The following ATP2C1 variants were observed in gnomAD, a reference collection of about 807,000 sequenced individuals.
ATP2C1 encodes the protein calcium-transporting ATPase type 2C member 1.
In ATP2C1, 31 loss-of-function variants were observed where a neutral mutation model predicts 120.5. The ratio of observed to expected loss-of-function variants is 0.26; its 90% CI spans 0.19 to 0.35. The LOEUF is 0.35. Among genes scored for constraint, ATP2C1 ranks in the 10% least tolerant of loss-of-function variants. The pLI is 1.00. For missense variants in ATP2C1, 731 were observed against 1,107.5 expected (o/e 0.66, Z 4.83); for synonymous variants, 351 against 358.7 (o/e 0.98, Z 0.24).
At chr3:130,896,563 T>A (rs949893953) in intron 2 of ATP2C1, among the ~76,000 whole-genome samples, 11 of 152,174 alleles carry the variant, frequency 7.2e-5, no homozygotes, top group African/African-American at 2.7e-4. Flanking sequence ...TTAAACTACA[T>A]AGATTGATAC....
intron 20 of ATP2C1, among the ~76,000 whole-genome samples, chr3:130,985,080 A>T (rs1228989479): frequency 2.0e-5 from 3 of 152,238 alleles, no homozygotes; most frequent in Non-Finnish European, 4.4e-5. Context: ...AGATGTATGA[A>T]AAGGACATCT....
At chr3:130,920,065 G>A (rs1380111415) in intron 2 of ATP2C1, among the ~76,000 whole-genome samples, 1 of 151,996 alleles carries the variant, frequency 6.6e-6, no homozygotes, top group Admixed American at 6.6e-5. Context: ...TTGAATTATT[G>A]GAGTTCTTTA....
chr3:130,966,251 G>C (rs1046724804), intron 14 of ATP2C1, among the ~76,000 whole-genome samples: 1 of 152,098 alleles, frequency 6.6e-6, no homozygotes, highest in Non-Finnish European at 1.5e-5. Flanking sequence ...CTGTGTTGGT[G>C]AATGTGCCCT....
chr3:130,962,873 C>G (rs1208008581), intron 12 of ATP2C1: 2 of 151,540 alleles, frequency 1.3e-5, no homozygotes, highest in Admixed American at 1.3e-4. Flanking sequence ...AATGTTGTTG[C>G]TTATGTGCTT....
intron 2 of ATP2C1, among the ~76,000 whole-genome samples, chr3:130,929,277 T>C (rs938063381): frequency 6.6e-5 from 10 of 152,212 alleles, no homozygotes; most frequent in African/African-American, 2.4e-4. Flanking sequence ...AATTTGATTG[T>C]TCCAGAAACT....
At chr3:130,909,070 A>G (rs946549275) in intron 2 of ATP2C1, among the ~76,000 whole-genome samples, 1 of 152,214 alleles carries the variant, frequency 6.6e-6, no homozygotes, top group East Asian at 1.9e-4. Flanking sequence ...AAGCCTGATT[A>G]TGCCACTGTT....
At chr3:130,968,019 TC>T (rs1161796374) in intron 16 of ATP2C1, among the ~76,000 whole-genome samples, 23 of 152,284 alleles carry the variant, frequency 1.5e-4, no homozygotes, top group African/African-American at 5.5e-4. Context: ...AAATAACTAT[TC>T]CTACCTTTAA....
intron 2 of ATP2C1, among the ~76,000 whole-genome samples, chr3:130,902,898 C>T (rs2057931355): frequency 6.6e-6 from 1 of 151,940 alleles, no homozygotes; most frequent in South Asian, 2.1e-4. Flanking sequence ...ATCTCTAATA[C>T]CAATCCCTTA....
chr3:130,855,274 G>A (rs1333625211), intron 1 of ATP2C1, among the ~76,000 whole-genome samples: 2 of 151,984 alleles, frequency 1.3e-5, no homozygotes, highest in African/African-American at 4.8e-5. Context: ...AGCTCAATGC[G>A]GGGAATATGA....
At chr3:130,910,154 G>A (rs1254676230) in intron 2 of ATP2C1, among the ~76,000 whole-genome samples, 1 of 151,984 alleles carries the variant, frequency 6.6e-6, no homozygotes, top group Non-Finnish European at 1.5e-5. Flanking sequence ...CCTTGAAGAG[G>A]TCCTTCACAT....
chr3:130,880,261 T>C (rs1016997009), intron 1 of ATP2C1, among the ~76,000 whole-genome samples: 1 of 152,178 alleles, frequency 6.6e-6, no homozygotes, highest in Admixed American at 6.5e-5. Flanking sequence ...GTAGTTGATG[T>C]AGTAGTTTTG....
intron 6 of ATP2C1, 66 bp downstream of exon 6, chr3:130,937,529 G>A (rs2059723695): frequency 1.5e-6 from 2 of 1,349,878 alleles, no homozygotes; most frequent in Non-Finnish European, 2.1e-6. Flanking sequence ...GGTGTCTTGT[G>A]GTAGAACCTA....
chr3:130,940,734 T>A, intron 7 of ATP2C1, 43 bp downstream of exon 7: 1 of 1,471,132 alleles, frequency 6.8e-7, no homozygotes, highest in South Asian at 1.1e-5. Flanking sequence ...CCTTTAAAAA[T>A]AGAAGTTGAA....
intron 1 of ATP2C1, among the ~76,000 whole-genome samples, chr3:130,881,612 G>A (rs759218246): frequency 9.2e-5 from 14 of 152,164 alleles, no homozygotes; most frequent in South Asian, 2.1e-4. Context: ...TGGCATTTTG[G>A]TAGAGATTGC....
intron 16 of ATP2C1, among the ~76,000 whole-genome samples, chr3:130,967,714 T>C (rs1169720054): frequency 1.3e-5 from 2 of 152,216 alleles, no homozygotes; most frequent in African/African-American, 4.8e-5. Context: ...TGTGAAATAC[T>C]TTATAAATGT....
chr3:130,962,030 C>CT (rs1398104229), intron 12 of ATP2C1, among the ~76,000 whole-genome samples: 1 of 151,988 alleles, frequency 6.6e-6, no homozygotes, highest in African/African-American at 2.4e-5. Context: ...AGCAAGGACT[C>CT]TATCATGTAG....
At chr3:130,908,028 A>G (rs1476330366) in intron 2 of ATP2C1, among the ~76,000 whole-genome samples, 2 of 152,078 alleles carry the variant, frequency 1.3e-5, no homozygotes, top group African/African-American at 4.8e-5. Context: ...CAAATTAAAA[A>G]CAAAATTATA....
At chr3:130,889,638 C>CTTTT (rs1170424148), upstream of ATP2C1, among the ~76,000 whole-genome samples, 259 of 77,626 alleles carry the variant, frequency 3.3e-3, 6 homozygotes, top group African/African-American at 0.01. Context: ...ATTCTTTAAA[C>CTTTT]TTTTTTTTTT....
At chr3:130,930,583 CT>C in intron 3 of ATP2C1, 57 bp downstream of exon 3, 1 of 1,093,836 alleles carries the variant, frequency 9.1e-7, no homozygotes, top group Non-Finnish European at 1.4e-6. Context: ...CACTTAGACT[CT>C]ATAAAACAGT....
Sources: gnomAD v4.1 joint callset for allele counts (sites outside exome capture counted in the v4.1 genomes callset) on GRCh38, gnomAD v4.1.1 for gene constraint, MANE v1.5 for transcripts, NCBI Gene and HGNC (gene_info 2026-07-23, HGNC 2026-07-21) for gene names.